The following JHY variants were observed in gnomAD, a reference collection of about 807,000 sequenced individuals.
JHY encodes the protein jhy protein homolog.
In JHY, 69 loss-of-function variants were observed where a neutral mutation model predicts 78.0. The ratio of observed to expected loss-of-function variants is 0.88; its 90% CI spans 0.73 to 1.08. The LOEUF (loss-of-function observed/expected upper bound fraction) is 1.08, where lower values mean the gene tolerates loss of function less well. Ranked by LOEUF, JHY falls within the 50% of genes least tolerant of loss-of-function variation. The pLI is 0.00. For missense variants in JHY, 944 were observed against 927.8 expected, an observed-to-expected ratio of 1.02 and a Z score of -0.23; for synonymous variants, 368 against 342.6, an observed-to-expected ratio of 1.07 and a Z score of -0.82.
Position 122,914,846 on chromosome 11 carries a change from T to G in JHY, c.865-10051T>G, listed in dbSNP as rs193171833. On this transcript the variant is annotated intron_variant, in intron 3 of 8. Transcript: ENST00000227349. ...TTCATCGATTGATACATTTTCTTAT[T>G]TTGCCCTCTGCTATTACTACAAGAG... Among the ~76,000 whole-genome samples, 254 of 152,274 alleles carry G rather than the reference T, an allele frequency of 1.7e-3. 2 individuals are homozygous for G. The highest frequency in any genetic ancestry group is 5.8e-3 in the African/African-American group (242 of 41,556).
intron 5 of JHY, among the ~76,000 whole-genome samples, chr11:122,942,174 A>G (rs1863887553): frequency 6.6e-6 from 1 of 151,642 alleles, no homozygotes; most frequent in Non-Finnish European, 1.5e-5. Flanking sequence ...ACCTGGCCAG[A>G]AATTCCTTTT....
At chr11:122,949,187 G>C (rs762981803) in intron 6 of JHY, among the ~76,000 whole-genome samples, 1 of 151,858 alleles carries the variant, frequency 6.6e-6, no homozygotes, top group Non-Finnish European at 1.5e-5. Context: ...GAGCATTTCA[G>C]GTCCTTGTGA....
intron 3 of JHY, among the ~76,000 whole-genome samples, chr11:122,913,130 A>G (rs141253631): frequency 0.016 from 2,504 of 152,268 alleles, 37 homozygotes; most frequent in Non-Finnish European, 0.023. Flanking sequence ...GAGACTCTCA[A>G]AAGACTGCCT....
At position 122,904,204 on chromosome 11, in the gene JHY, GC is replaced by G; in HGVS notation, c.626del (p.Pro209ArgfsTer5). On this transcript the variant is annotated frameshift_variant, in exon 3 of 9. Coordinates refer to ENST00000227349, the MANE Select transcript of JHY (RefSeq NM_024806.4). LOFTEE classifies it high-confidence loss of function. ...NYEHGARRSK[P>X]FSELSDSDLE... ...ATGAGCATGGTGCCCGTCGCAGCAA[GC>G]CGTTTTCAGAGCTGAGCGACAGTGA... is the stretch of plus-strand genomic sequence containing the variant. The G allele has an allele frequency of 6.2e-7, 1 of 1,614,176 alleles. No homozygotes were observed. The highest frequency in any genetic ancestry group is 1.7e-5 in the Admixed American group (1 of 60,014).
At chr11:122,931,838 G>A (rs1863643106) in intron 4 of JHY, among the ~76,000 whole-genome samples, 1 of 152,080 alleles carries the variant, frequency 6.6e-6, no homozygotes, top group Non-Finnish European at 1.5e-5. Flanking sequence ...TCACAGGGTC[G>A]GGGACAAACT....
At chr11:122,904,652 A>G (rs1437868062) in intron 3 of JHY, among the ~76,000 whole-genome samples, 1 of 152,238 alleles carries the variant, frequency 6.6e-6, no homozygotes, top group Non-Finnish European at 1.5e-5. Context: ...AATGGTTTAC[A>G]GTGTAATTGC....
chr11:122,957,336 T>C lies in JHY; in HGVS notation c.2011-27T>C, dbSNP rs531978504. The C allele has an allele frequency of 1.8e-5, 27 of 1,507,012 alleles. No individual in the cohort carries two copies. In the South Asian group the frequency reaches 3.3e-4, roughly 19 times the overall value. The allele number at this position is 1,507,012 out of a possible 1,614,324, so 93.4% of individuals were successfully genotyped here. On this transcript the variant is annotated intron_variant, in intron 7 of 8. Transcript: ENST00000227349. ...CAGAGAGAACTAGCAGCACCTGGAT[T>C]CATCATAACTTTGTTTCTCTGAACA...
chr11:122,938,335 G>A (rs1399432735), intron 5 of JHY, among the ~76,000 whole-genome samples: 2 of 151,992 alleles, frequency 1.3e-5, no homozygotes, highest in Non-Finnish European at 2.9e-5. Context: ...TCTACTGTCT[G>A]GGAGGGTTTC....
At chr11:122,903,086 G>A (rs1862896975) in intron 2 of JHY, among the ~76,000 whole-genome samples, 1 of 152,170 alleles carries the variant, frequency 6.6e-6, no homozygotes, top group African/African-American at 2.4e-5. Flanking sequence ...TATTCCAAGG[G>A]CTACAGCGTC....
chr11:122,919,150 G>A (rs752991579), intron 3 of JHY, among the ~76,000 whole-genome samples: 20 of 151,738 alleles, frequency 1.3e-4, no homozygotes, highest in African/African-American at 7.3e-5. Flanking sequence ...TCAGAAGTTC[G>A]GGACCAGCCT....
In JHY at chr11:122,903,989, G is replaced by A; in HGVS notation, c.409G>A (p.Glu137Lys). The A allele has an allele frequency of 1.2e-6, 2 of 1,613,998 alleles. No individual in the cohort carries two copies. The highest frequency in any genetic ancestry group is 1.3e-5 in the African/African-American group (1 of 75,036). Residue 137 changes from glutamate (E) to lysine (K), a missense_variant, in exon 3 of 9, where the codon GAG (glutamate) becomes AAG (lysine). Coordinates refer to ENST00000227349, the MANE Select transcript of JHY (RefSeq NM_024806.4). The stretch of plus-strand genomic sequence containing the variant: ...TGACCCGAACTGGAAGAGTAAGAAG[G>A]AGGAAGGGCAGCTGCTGTCTGTGGA... Reference protein sequence around the residue: ...RYDPNWKSKKEEGQLLSVEAL... With the variant: ...RYDPNWKSKKKEGQLLSVEAL...
In JHY at chr11:122,961,145, G is replaced by C; in HGVS notation, c.*1700G>C. On this transcript the variant is annotated 3_prime_UTR_variant, in exon 9 of 9. Coordinates refer to ENST00000227349, the MANE Select transcript of JHY (RefSeq NM_024806.4). ...CAGTTGACTGACTAAATGGAAACTA[G>C]GCTATGTGGCAAAATCTTTCTGTAT... 1 of 666,610 alleles carries C rather than the reference G, an allele frequency of 1.5e-6. No homozygotes were observed. The highest frequency in any genetic ancestry group is 2.6e-6 in the Non-Finnish European group (1 of 381,130). The allele number at this position is 666,610 out of a possible 1,614,324, so 41.3% of individuals were successfully genotyped here.
At chr11:122,911,480 G>C (rs1053485873) in intron 3 of JHY, among the ~76,000 whole-genome samples, 5 of 152,158 alleles carry the variant, frequency 3.3e-5, no homozygotes, top group Admixed American at 1.3e-4. Context: ...GATATTAACA[G>C]AAAACAAGAG....
At chr11:122,957,181 A>C (rs886649434) in intron 7 of JHY, among the ~76,000 whole-genome samples, 182 bp from the exon 8 acceptor site, 1 of 149,110 alleles carries the variant, frequency 6.7e-6, no homozygotes, top group Non-Finnish European at 1.5e-5. Flanking sequence ...CAGAGAGACT[A>C]TTTCAAGGAG....
At chr11:122,905,525 G>A in intron 3 of JHY, 1 of 1,117,074 alleles carries the variant, frequency 9.0e-7, no homozygotes, top group East Asian at 5.0e-5. Flanking sequence ...AAATAGATGA[G>A]GTGGATGAAC....
chr11:122,923,748 C>T (rs945669153), intron 3 of JHY, among the ~76,000 whole-genome samples: 11 of 151,744 alleles, frequency 7.2e-5, no homozygotes, highest in African/African-American at 2.7e-4. Flanking sequence ...GACGGAGGCT[C>T]ACTCTGTCGC....
chr11:122,912,714 G>A (rs1024633774), intron 3 of JHY, among the ~76,000 whole-genome samples: 2 of 151,830 alleles, frequency 1.3e-5, no homozygotes, highest in African/African-American at 2.4e-5. Context: ...ACTCCATCCT[G>A]GATAACAGAG....
At chr11:122,945,578 A>G (rs1863946293) in intron 5 of JHY, among the ~76,000 whole-genome samples, 1 of 152,194 alleles carries the variant, frequency 6.6e-6, no homozygotes, top group Non-Finnish European at 1.5e-5. Flanking sequence ...TGGATTGTGA[A>G]CTTACATTTA....
At chr11:122,914,251 C>G (rs937647781) in intron 3 of JHY, among the ~76,000 whole-genome samples, 1 of 152,054 alleles carries the variant, frequency 6.6e-6, no homozygotes, top group African/African-American at 2.4e-5. Flanking sequence ...TGGAAGGTTG[C>G]CACCTAAAGG....
Sources: allele counts gnomAD v4.1 joint callset (sites outside exome capture counted in the v4.1 genomes callset), GRCh38; gene constraint gnomAD v4.1.1; transcripts MANE v1.5; gene names NCBI Gene and HGNC (gene_info 2026-07-23, HGNC 2026-07-21).